LRIF1: variants seen among roughly 807,000 people sequenced by gnomAD.
LRIF1 encodes the protein ligand dependent nuclear receptor interacting factor 1.
In LRIF1, 32 loss-of-function variants were observed where a neutral mutation model predicts 52.7. That is an observed-to-expected ratio of 0.61 (90% confidence interval 0.46 to 0.82). The LOEUF is 0.82. Ranked by LOEUF, LRIF1 falls within the 40% of genes least tolerant of loss-of-function variation. The pLI is 0.00. For synonymous variants in LRIF1, 323 were observed against 317.4 expected, an observed-to-expected ratio of 1.02 and a Z score of -0.19; for missense variants, 887 against 892.0, an observed-to-expected ratio of 0.99 and a Z score of 0.07.
chr1:110,925,954 TAAC>T, the LRIF1 span, among the ~76,000 whole-genome samples: 1 of 152,160 alleles, frequency 6.6e-6, no homozygotes, highest in East Asian at 1.9e-4. Context: ...ATAAATCTAA[TAAC>T]AAATGTGTAA....
chr1:110,894,626 G>T, the LRIF1 span, among the ~76,000 whole-genome samples: 1 of 152,188 alleles, frequency 6.6e-6, no homozygotes, highest in Non-Finnish European at 1.5e-5. Context: ...TAAAACAAGT[G>T]TCTCTTCCTC....
the LRIF1 span, among the ~76,000 whole-genome samples, chr1:110,885,465 G>A: frequency 5.3e-5 from 8 of 152,164 alleles, no homozygotes; most frequent in Non-Finnish European, 8.8e-5. Flanking sequence ...GTGAACCGGG[G>A]AGGCGGAGCT....
the LRIF1 span, among the ~76,000 whole-genome samples, chr1:110,912,265 G>T: frequency 6.6e-6 from 1 of 151,792 alleles, no homozygotes; most frequent in African/African-American, 2.4e-5. Flanking sequence ...AGACTGGAGT[G>T]CAGTGGCATG....
the LRIF1 span, among the ~76,000 whole-genome samples, chr1:110,905,856 A>G: frequency 1.3e-5 from 2 of 152,232 alleles, no homozygotes; most frequent in East Asian, 3.8e-4. Context: ...ACAATAAGAT[A>G]TAAGTAAAAA....
chr1:110,879,680 G>C, the LRIF1 span, among the ~76,000 whole-genome samples: 5 of 151,908 alleles, frequency 3.3e-5, no homozygotes, highest in Non-Finnish European at 7.4e-5. Context: ...TTGTAATATT[G>C]GATCAGATAA....
At chr1:110,875,990 C>T in the LRIF1 span, among the ~76,000 whole-genome samples, 1 of 152,188 alleles carries the variant, frequency 6.6e-6, no homozygotes, top group South Asian at 2.1e-4. Flanking sequence ...ATCAATATGT[C>T]ATAGCTCTGA....
At chr1:110,912,225 T>C in the LRIF1 span, among the ~76,000 whole-genome samples, 1 of 152,218 alleles carries the variant, frequency 6.6e-6, no homozygotes, top group Non-Finnish European at 1.5e-5. Context: ...TTATTTATTT[T>C]TTTTTAGACC....
At chr1:110,937,319 T>C in the LRIF1 span, 1 of 152,116 alleles carries the variant, frequency 6.6e-6, no homozygotes, top group Admixed American at 6.5e-5. Flanking sequence ...GGATATACCA[T>C]ATTTTAGGTA....
Position 110,947,662 on chromosome 1 carries a change from A to G in LRIF1, c.*297T>C, listed in dbSNP as rs908696970. On this transcript the variant is annotated 3_prime_UTR_variant, in exon 4 of 4. Coordinates refer to ENST00000369763, the MANE Select transcript of LRIF1 (RefSeq NM_018372.4). ...AATTTAGGTAAAGATACAAACAATA[A>G]CAAAAACCCTGCCCAAATATTCAAA... 2 of 220,300 alleles carry G rather than the reference A, an allele frequency of 9.1e-6. No homozygotes were observed. The highest frequency in any genetic ancestry group is 4.6e-5 in the African/African-American group (2 of 43,490). 13.6% of individuals were successfully genotyped at this position (220,300 alleles called of 1,614,324 possible). A position where few individuals can be genotyped will look rare whatever the true frequency, so the allele number is the denominator to read the frequency against.
chr1:110,878,811 T>C, the LRIF1 span, among the ~76,000 whole-genome samples: 1 of 152,210 alleles, frequency 6.6e-6, no homozygotes, highest in African/African-American at 2.4e-5. Context: ...CAGAGTTCAG[T>C]GGAGAAAGAA....
At chr1:110,948,471 TAAC>T (rs1318260849) in intron 3 of LRIF1, 72 bp from the exon 4 acceptor site, 15 of 1,488,708 alleles carry the variant, frequency 1.0e-5, no homozygotes, top group African/African-American at 1.4e-5. Context: ...CTACCAAACT[TAAC>T]AACGTCTGCA....
At chr1:110,929,032 A>T in the LRIF1 span, among the ~76,000 whole-genome samples, 4 of 152,132 alleles carry the variant, frequency 2.6e-5, no homozygotes, top group African/African-American at 9.7e-5. Context: ...TTGCAAACGT[A>T]ATACAGAGCT....
At chr1:110,948,614 C>T (rs958224391) in intron 3 of LRIF1, among the ~76,000 whole-genome samples, 2 of 152,198 alleles carry the variant, frequency 1.3e-5, no homozygotes, top group African/African-American at 2.4e-5. Context: ...GCCTAATTCA[C>T]ATTTTCTTGC....
chr1:110,899,361 T>A, the LRIF1 span: 2 of 552,662 alleles, frequency 3.6e-6, no homozygotes, highest in Non-Finnish European at 6.5e-6. Flanking sequence ...GCCAGGCACA[T>A]CCCATCTCAG....
chr1:110,918,364 T>A, the LRIF1 span, among the ~76,000 whole-genome samples: 2 of 152,186 alleles, frequency 1.3e-5, no homozygotes, highest in Non-Finnish European at 2.9e-5. Flanking sequence ...TCATAGATGA[T>A]AATGATTTTA....
chr1:110,894,407 TTA>T, the LRIF1 span: 169 of 1,608,396 alleles, frequency 1.1e-4, no homozygotes, highest in Non-Finnish European at 1.4e-4. Context: ...AGAAGGTAAG[TTA>T]TAAAGACAAC....
chr1:110,924,141 C>A, the LRIF1 span, among the ~76,000 whole-genome samples: 26 of 152,032 alleles, frequency 1.7e-4, no homozygotes, highest in African/African-American at 6.3e-4. Flanking sequence ...TGGAAAAATT[C>A]CTAGGAATTT....
chr1:110,925,343 C>G, the LRIF1 span, among the ~76,000 whole-genome samples: 1 of 152,224 alleles, frequency 6.6e-6, no homozygotes, highest in Non-Finnish European at 1.5e-5. Flanking sequence ...AGTCTCCAAC[C>G]TGTCAGCCTA....
the LRIF1 span, among the ~76,000 whole-genome samples, chr1:110,890,767 T>C: frequency 1.3e-5 from 2 of 152,366 alleles, no homozygotes; most frequent in African/African-American, 2.4e-5. Context: ...ATTTGTTGGC[T>C]TGTTTTATCT....
Sources: gnomAD v4.1 joint callset for allele counts (sites outside exome capture counted in the v4.1 genomes callset) on GRCh38, gnomAD v4.1.1 for gene constraint, MANE v1.5 for transcripts, NCBI Gene and HGNC (gene_info 2026-07-23, HGNC 2026-07-21) for gene names.